The following ASIC2 variants were observed in gnomAD, a reference collection of about 807,000 sequenced individuals.
ASIC2 encodes acid sensing ion channel subunit 2.
Under a neutral mutation model 57.3 loss-of-function variants are expected in ASIC2, and 25 were observed. The ratio of observed to expected loss-of-function variants is 0.44; its 90% CI spans 0.32 to 0.61. The LOEUF is 0.61. ASIC2 is among the 20% of genes least tolerant of loss of function. The pLI is 0.06. For missense variants in ASIC2, 641 were observed against 738.1 expected (o/e 0.87, Z 1.52); for synonymous variants, 319 against 307.5 (o/e 1.04, Z -0.39).
chr17:33,129,042 T>G (rs1053378028), intron 1 of ASIC2, among the ~76,000 whole-genome samples: 8 of 152,206 alleles, frequency 5.3e-5, no homozygotes, highest in Admixed American at 5.2e-4. Flanking sequence ...ATGATTGAAT[T>G]AAAAAAGAAT....
intron 1 of ASIC2, among the ~76,000 whole-genome samples, chr17:34,103,786 T>G (rs2142102935): frequency 6.6e-6 from 1 of 152,324 alleles, no homozygotes; most frequent in East Asian, 1.9e-4. Context: ...TCTATTTATG[T>G]ATTCTCTGGT....
intron 1 of ASIC2, among the ~76,000 whole-genome samples, chr17:33,831,095 T>G (rs1448216676): frequency 3.7e-5 from 3 of 81,474 alleles, no homozygotes; most frequent in Non-Finnish European, 6.3e-5. Flanking sequence ...GGTGACAGAG[T>G]AAGGCTCTGT....
At chr17:33,460,141 C>T (rs1287068885) in intron 1 of ASIC2, among the ~76,000 whole-genome samples, 1 of 152,162 alleles carries the variant, frequency 6.6e-6, no homozygotes, top group Non-Finnish European at 1.5e-5. Flanking sequence ...ACCTCGGTGT[C>T]CAGATTTGCT....
chr17:33,982,858 C>T lies in ASIC2; in HGVS notation c.555+173120G>A, dbSNP rs116298836. Among the ~76,000 whole-genome samples the T allele has an allele frequency of 7.9e-3, 1,200 of 152,298 alleles. 10 individuals are homozygous for T. Among genetic ancestry groups the T allele is most frequent in the African/African-American group, 0.027 (1,118 of 41,556 alleles). On this transcript the variant is annotated intron_variant, in intron 1 of 9. Transcript: ENST00000359872. ...ACCTCAATATATGTGTGTATGTGTA[C>T]ATGGGTGTATAGAACTCCCTGATAT...
At chr17:33,324,416 G>A (rs1394678076) in intron 1 of ASIC2, among the ~76,000 whole-genome samples, 1 of 152,116 alleles carries the variant, frequency 6.6e-6, no homozygotes, top group Non-Finnish European at 1.5e-5. Context: ...TGACAGTGCT[G>A]TTCTTATGAT....
chr17:33,013,881 A>G lies in ASIC2; in HGVS notation c.*84T>C, dbSNP rs1178652557. On this transcript the variant is annotated 3_prime_UTR_variant, in exon 10 of 10. Coordinates refer to ENST00000225823, the MANE Select transcript of ASIC2 (RefSeq NM_183377.2). ...CTTGCTTCTTTCCAGCACTGGGGCC[A>G]TCCCACCTGAGCTTGCTGTTCCTTG... is the stretch of plus-strand genomic sequence containing the variant. The G allele has an allele frequency of 2.4e-6, 3 of 1,242,564 alleles. No individual in the cohort carries two copies. Among genetic ancestry groups the G allele is most frequent in the Non-Finnish European group, 3.5e-6 (3 of 866,118 alleles). 77.0% of individuals were successfully genotyped at this position (1,242,564 alleles called of 1,614,324 possible).
intron 1 of ASIC2, among the ~76,000 whole-genome samples, chr17:33,995,951 T>A (rs1293576214): frequency 6.6e-6 from 1 of 152,180 alleles, no homozygotes; most frequent in African/African-American, 2.4e-5. Flanking sequence ...CTGTAGCAAT[T>A]TACATTCCCA....
At chr17:33,221,686 A>G (rs900410813) in intron 1 of ASIC2, among the ~76,000 whole-genome samples, 19 of 152,372 alleles carry the variant, frequency 1.2e-4, no homozygotes, top group African/African-American at 1.7e-4. Context: ...TGGGCTTTTT[A>G]TAGACCAAAT....
At chr17:34,100,015 T>C (rs778243947) in intron 1 of ASIC2, among the ~76,000 whole-genome samples, 43 of 152,148 alleles carry the variant, frequency 2.8e-4, no homozygotes, top group Non-Finnish European at 3.5e-4. Flanking sequence ...AGACACTTTC[T>C]ACCTGCTTTG....
intron 1 of ASIC2, among the ~76,000 whole-genome samples, chr17:33,383,692 A>C (rs1003808906): frequency 2.6e-5 from 4 of 152,172 alleles, no homozygotes; most frequent in Admixed American, 2.0e-4. Flanking sequence ...GACAAATTCA[A>C]TGTTTCTTTC....
chr17:34,037,980 C>T, intron 1 of ASIC2: 1 of 1,613,668 alleles, frequency 6.2e-7, no homozygotes, highest in Non-Finnish European at 8.5e-7. Flanking sequence ...TTTGGTGGTT[C>T]TTTCCCAACC....
chr17:33,637,851 C>T (rs1906420813), intron 1 of ASIC2, among the ~76,000 whole-genome samples: 1 of 152,128 alleles, frequency 6.6e-6, no homozygotes, highest in Admixed American at 6.5e-5. Flanking sequence ...GTAGTTATCA[C>T]TCAAATAAGT....
intron 1 of ASIC2, among the ~76,000 whole-genome samples, chr17:33,335,748 G>A (rs1022082244): frequency 3.9e-5 from 6 of 152,156 alleles, no homozygotes; most frequent in Admixed American, 2.6e-4. Context: ...ATGAACGTGA[G>A]GATGTCCGAG....
At chr17:33,033,344 C>A (rs956609054) in intron 3 of ASIC2, among the ~76,000 whole-genome samples, 1 of 152,168 alleles carries the variant, frequency 6.6e-6, no homozygotes, top group African/African-American at 2.4e-5. Flanking sequence ...GCAGGATCTG[C>A]CTTCCTGGGG....
Position 33,230,812 on chromosome 17 carries a change from C to T in ASIC2, c.708+60596G>A, listed in dbSNP as rs182021256. ...CCTTCCAAGGAGGCAGGCCCATCTGCGCAAGGTTAATGCTGGGCTGGGGTT... is the reference window on the plus strand; with the variant it reads ...CCTTCCAAGGAGGCAGGCCCATCTGTGCAAGGTTAATGCTGGGCTGGGGTT... On this transcript the variant is annotated intron_variant, in intron 1 of 9. Transcript: ENST00000225823. Among the ~76,000 whole-genome samples the T allele has an allele frequency of 1.2e-4, 19 of 152,182 alleles. No homozygotes were observed. In the East Asian group the frequency reaches 3.3e-3, roughly 26 times the overall value.
intron 1 of ASIC2, among the ~76,000 whole-genome samples, chr17:33,399,330 C>A (rs947800907): frequency 3.9e-5 from 6 of 152,186 alleles, no homozygotes; most frequent in African/African-American, 1.4e-4. Context: ...CTTAAGAAAT[C>A]AACCAGACAA....
intron 1 of ASIC2, among the ~76,000 whole-genome samples, chr17:33,604,494 T>C (rs1905179411): frequency 6.6e-6 from 1 of 152,158 alleles, no homozygotes; most frequent in Non-Finnish European, 1.5e-5. Flanking sequence ...CTCAGGTTAA[T>C]GTGCACAACG....
At chr17:33,700,332 T>C (rs1908658012) in intron 1 of ASIC2, among the ~76,000 whole-genome samples, 1 of 152,216 alleles carries the variant, frequency 6.6e-6, no homozygotes, top group Admixed American at 6.5e-5. Context: ...CTCTCTTGGA[T>C]TTGGTATTTA....
chr17:33,035,161 C>T (rs562889677), intron 3 of ASIC2, among the ~76,000 whole-genome samples: 65 of 152,194 alleles, frequency 4.3e-4, no homozygotes, highest in Admixed American at 7.2e-4. Flanking sequence ...AGTTCTAGGG[C>T]TTTCATTTTT....
Sources: allele counts gnomAD v4.1 joint callset (sites outside exome capture counted in the v4.1 genomes callset), GRCh38; gene constraint gnomAD v4.1.1; transcripts MANE v1.5; gene names NCBI Gene and HGNC (gene_info 2026-07-23, HGNC 2026-07-21).